Variants in NDUFA12 observed in about 807,000 individuals in gnomAD.
The protein encoded by NDUFA12 is NADH:ubiquinone oxidoreductase subunit A12, also known as NADH dehydrogenase [ubiquinone] 1 alpha subcomplex subunit 12.
A neutral mutation model predicts 20.3 loss-of-function variants in NDUFA12; 17 were observed. That is an observed-to-expected ratio of 0.84 (90% CI 0.57 to 1.26). The LOEUF (loss-of-function observed/expected upper bound fraction) is 1.26, where lower values mean the gene tolerates loss of function less well. Ranked by LOEUF, NDUFA12 falls within the 50% of genes most tolerant of loss-of-function variation. NDUFA12 has a pLI of 0.00. For missense variants in NDUFA12, 191 were observed against 183.7 expected (o/e 1.04, Z -0.23); for synonymous variants, 72 against 63.6 (o/e 1.13, Z -0.63).
At position 95,002,812 on chromosome 12, in the gene NDUFA12, A is replaced by C. The variant is rs189363309; in HGVS notation, c.96T>G (p.Asp32Glu). 6.2e-7 allele frequency: 1 copy of C among 1,613,692 alleles called. No homozygotes were observed. The highest frequency in any genetic ancestry group is 1.7e-5 in the Admixed American group (1 of 60,032). ...GYLRVFFRTN[D>E]AKVGTLVGED... is the part of the protein sequence containing the mutation. ...CCCCCACTAATGTACCAACCTTCGCATCATTTGTCCTGTGAATACCCAAAA... is the reference window on the plus strand; with the variant it reads ...CCCCCACTAATGTACCAACCTTCGCCTCATTTGTCCTGTGAATACCCAAAA... The change falls in exon 2 of 4, where the codon GAT becomes GAG. Residue 32 changes from aspartate to glutamate, a missense_variant. By Grantham distance (45) the Asp-to-Glu change is conservative. Transcript: ENST00000327772.
chr12:94,971,963 C>A (rs1342655052), intron 3 of NDUFA12, among the ~76,000 whole-genome samples: 2 of 152,014 alleles, frequency 1.3e-5, no homozygotes, highest in Non-Finnish European at 2.9e-5. Flanking sequence ...CACTCTGTCA[C>A]CCAGGCTGGA....
chr12:94,983,929 C>T (rs892404716), intron 3 of NDUFA12, among the ~76,000 whole-genome samples: 1 of 151,006 alleles, frequency 6.6e-6, no homozygotes, highest in Non-Finnish European at 1.5e-5. Context: ...GTTGCGGTAG[C>T]CCAGCAAGAT....
chr12:94,977,838 G>A (rs1358658516), intron 3 of NDUFA12, among the ~76,000 whole-genome samples: 1 of 152,156 alleles, frequency 6.6e-6, no homozygotes, highest in Non-Finnish European at 1.5e-5. Context: ...TTAAGCAGAG[G>A]TAGTTAAGTG....
chr12:94,998,402 T>C (rs1033126081), intron 2 of NDUFA12, among the ~76,000 whole-genome samples: 30 of 152,128 alleles, frequency 2.0e-4, no homozygotes, highest in African/African-American at 6.8e-4. Flanking sequence ...CTGAAAGCAT[T>C]CTCCCTGAGA....
At chr12:95,003,163 G>A (rs564294882) in intron 1 of NDUFA12, among the ~76,000 whole-genome samples, 1 of 152,254 alleles carries the variant, frequency 6.6e-6, no homozygotes, top group South Asian at 2.1e-4. Flanking sequence ...TCCACTCTGG[G>A]TCTCCATTTA....
rs1475006037 is a variant in NDUFA12 at position 94,994,199 on chromosome 12, A to G, written c.228T>C (p.Asp76=). The G allele has an allele frequency of 6.2e-7, 1 of 1,614,218 alleles. No individual in the cohort carries two copies. The highest frequency in any genetic ancestry group is 8.5e-7 in the Non-Finnish European group (1 of 1,180,020). The part of the protein sequence containing the change: ...TEMNGKNTFW[D]VDGSMVPPEW... Reference sequence around the variant, plus strand: ...CAGGAGGCACCATGCTTCCATCCACATCCCAGAATGTGTTTTTGCCATTCA... The same window carrying G: ...CAGGAGGCACCATGCTTCCATCCACGTCCCAGAATGTGTTTTTGCCATTCA... Residue 76 remains aspartate, a synonymous_variant, in exon 3 of 4, where the codon GAT becomes GAC. Transcript: ENST00000327772.
intron 2 of NDUFA12, among the ~76,000 whole-genome samples, chr12:94,996,058 A>G (rs1033227236): frequency 6.6e-6 from 1 of 151,578 alleles, no homozygotes. Context: ...AAATACAAAA[A>G]TTAGCTGGGC....
intron 3 of NDUFA12, among the ~76,000 whole-genome samples, chr12:94,975,520 C>A (rs983512312): frequency 1.3e-5 from 2 of 152,110 alleles, no homozygotes; most frequent in African/African-American, 4.8e-5. Flanking sequence ...ATTGGTATAG[C>A]CCTTCTAGAG....
chr12:94,972,604 C>A, intron 3 of NDUFA12: 1 of 340,086 alleles, frequency 2.9e-6, no homozygotes, highest in Non-Finnish European at 6.2e-6. Flanking sequence ...TGGCTCATGT[C>A]TATAATCCCA....
At chr12:94,974,012 C>T (rs1419606168) in intron 3 of NDUFA12, among the ~76,000 whole-genome samples, 1 of 133,418 alleles carries the variant, frequency 7.5e-6, no homozygotes, top group East Asian at 2.2e-4. Flanking sequence ...TGCTCTGTGG[C>T]GCAGGCTGGA....
chr12:94,997,206 C>T (rs575608433), intron 2 of NDUFA12: 25 of 163,570 alleles, frequency 1.5e-4, no homozygotes, highest in Admixed American at 3.5e-4. Context: ...CGCACACACA[C>T]GCACACACAT....
At position 94,976,161 on chromosome 12, in the gene NDUFA12, T is replaced by G. The variant is rs1874059458; in HGVS notation, c.258-4541A>C. Among the ~76,000 whole-genome samples, 4 of 152,228 alleles carry G rather than the reference T, an allele frequency of 2.6e-5. No individual in the cohort carries two copies. The South Asian group carries it at 8.3e-4, about 32-fold the overall frequency. ...GATAGCATTTATAAGTCATGGGCAC[T>G]AATCTATACACTTTACAAATATTAA... On this transcript the variant is annotated intron_variant, in intron 3 of 3. Coordinates refer to ENST00000327772, the MANE Select transcript of NDUFA12 (RefSeq NM_018838.5).
intron 3 of NDUFA12, among the ~76,000 whole-genome samples, chr12:94,984,739 CAT>C (rs1874359513): frequency 1.7e-5 from 2 of 117,460 alleles, no homozygotes; most frequent in Non-Finnish European, 3.6e-5. Flanking sequence ...ACAAAAAACC[CAT>C]ATATATATAA....
chr12:95,000,241 CG>C (rs1307964904), intron 2 of NDUFA12, among the ~76,000 whole-genome samples: 1 of 152,094 alleles, frequency 6.6e-6, no homozygotes, highest in Non-Finnish European at 1.5e-5. Flanking sequence ...AACCAAATAT[CG>C]TATGTTCTCA....
At chr12:94,999,117 T>C (rs1306807112) in intron 2 of NDUFA12, among the ~76,000 whole-genome samples, 1 of 152,146 alleles carries the variant, frequency 6.6e-6, no homozygotes, top group African/African-American at 2.4e-5. Flanking sequence ...AACACTATGC[T>C]ACCGGTATAA....
At chr12:94,981,210 G>C (rs1341624649) in intron 3 of NDUFA12, among the ~76,000 whole-genome samples, 1 of 152,158 alleles carries the variant, frequency 6.6e-6, no homozygotes, top group African/African-American at 2.4e-5. Context: ...CAGGTGGATA[G>C]CTTGAGCCCA....
At chr12:94,981,562 A>G (rs1269334664) in intron 3 of NDUFA12, among the ~76,000 whole-genome samples, 2 of 152,220 alleles carry the variant, frequency 1.3e-5, no homozygotes, top group Non-Finnish European at 2.9e-5. Flanking sequence ...CTGATCCCAT[A>G]AGAGAATAAA....
At chr12:94,990,632 T>G (rs1460450829) in intron 3 of NDUFA12, among the ~76,000 whole-genome samples, 5 of 152,184 alleles carry the variant, frequency 3.3e-5, no homozygotes. Context: ...GGCCTTGTTA[T>G]GTTGCCCAGG....
intron 3 of NDUFA12, among the ~76,000 whole-genome samples, chr12:94,973,129 A>G (rs188254858): frequency 2.0e-5 from 3 of 152,344 alleles, no homozygotes; most frequent in African/African-American, 7.2e-5. Flanking sequence ...TTTTGTTGCT[A>G]TGTAAACCTA....
Sources: gnomAD v4.1 joint callset for allele counts (sites outside exome capture counted in the v4.1 genomes callset) on GRCh38, gnomAD v4.1.1 for gene constraint, MANE v1.5 for transcripts, NCBI Gene and HGNC (gene_info 2026-07-23, HGNC 2026-07-21) for gene names.